Variants in USP45 observed in about 807,000 individuals in gnomAD.
USP45 encodes ubiquitin specific peptidase 45.
In USP45, 89 loss-of-function variants were observed where a neutral mutation model predicts 95.8. The observed-to-expected ratio is 0.93, with a 90% CI of 0.78 to 1.11. USP45 has a LOEUF of 1.11. Among genes scored for constraint, USP45 ranks in the 50% least tolerant of loss-of-function variants. USP45 has a pLI of 0.00. For missense variants in USP45, 898 were observed against 942.5 expected (o/e 0.95, Z 0.62); for synonymous variants, 281 against 316.2 (o/e 0.89, Z 1.18).
At chr6:99,474,898 T>A (rs184750567) in intron 9 of USP45, among the ~76,000 whole-genome samples, 174 of 152,338 alleles carry the variant, frequency 1.1e-3, no homozygotes, top group African/African-American at 4.1e-3. Flanking sequence ...AATTTAACGT[T>A]AAAGTCAATA....
At chr6:99,482,251 T>A (rs1329356219) in intron 8 of USP45, 1 of 152,312 alleles carries the variant, frequency 6.6e-6, no homozygotes, top group East Asian at 1.9e-4. Flanking sequence ...AATACATGAA[T>A]GCATTAAAGT....
chr6:99,438,481 C>A (rs952450690), intron 16 of USP45, among the ~76,000 whole-genome samples: 3 of 151,912 alleles, frequency 2.0e-5, no homozygotes, highest in African/African-American at 4.8e-5. Flanking sequence ...GACTTTGGAC[C>A]TATATAAATA....
At chr6:99,464,803 G>A in intron 12 of USP45, 56 bp from the exon 13 acceptor site, 2 of 1,494,388 alleles carry the variant, frequency 1.3e-6, no homozygotes, top group Non-Finnish European at 1.8e-6. Context: ...AATTCTGGAT[G>A]TCCTCATCTT....
In USP45 at chr6:99,488,283, T is replaced by C; in HGVS notation, c.631A>G (p.Thr211Ala). 1 of 1,605,256 alleles carries C rather than the reference T, an allele frequency of 6.2e-7. No homozygotes were observed. Residue 211 changes from threonine to alanine, a missense_variant, in exon 7 of 18, where the codon ACT becomes GCT. By Grantham distance (58) the Thr-to-Ala change is moderately conservative (BLOSUM62 0). Coordinates refer to ENST00000500704, the MANE Select transcript of USP45 (RefSeq NM_001346022.3). ...TTCATCAGATCAGTAAGAGTATAAG[T>C]CTGTGCCAAGTTCTAAAAGAAAACA... ...FNAVMQNLAQ[T>A]YTLTDLMNEI... is the part of the protein sequence containing the mutation.
At chr6:99,468,446 T>C in intron 10 of USP45, 91 bp downstream of exon 10, 1 of 839,020 alleles carries the variant, frequency 1.2e-6, no homozygotes, top group South Asian at 1.6e-5. Context: ...CTTTGGTGGA[T>C]TAGTTCACAT....
chr6:99,466,617 A>G (rs1562354157), intron 11 of USP45, 55 bp downstream of exon 11: 1 of 1,385,634 alleles, frequency 7.2e-7, no homozygotes, highest in Non-Finnish European at 1.0e-6. Flanking sequence ...AAAATATAAT[A>G]AAAATGATGT....
rs1782487200 is a variant in USP45, at chr6:99,446,077, G to A, written c.1695C>T (p.Ser565=). The change falls in exon 14 of 18, where the codon AGC becomes AGT. Residue 565 remains serine, a synonymous_variant. Coordinates refer to ENST00000500704, the MANE Select transcript of USP45 (RefSeq NM_001346022.3). ...AATCTTGATCTCCAGTTACAGTGCT[G>A]CTCAAACGAAGTTCAGAAATAGCTT... ...MAEAISELRL[S]STVTGDQDFD... 6.2e-7 allele frequency: 1 copy of A among 1,613,946 alleles called. No individual in the cohort carries two copies. Among genetic ancestry groups the A allele is most frequent in the Non-Finnish European group, 8.5e-7 (1 of 1,180,032 alleles).
At chr6:99,474,955 T>C (rs2128670881) in intron 9 of USP45, among the ~76,000 whole-genome samples, 1 of 152,302 alleles carries the variant, frequency 6.6e-6, no homozygotes, top group East Asian at 1.9e-4. Flanking sequence ...CACTGGGGAA[T>C]CTATCCAGTC....
intron 4 of USP45, among the ~76,000 whole-genome samples, chr6:99,504,147 T>A (rs1468579479): frequency 1.3e-5 from 2 of 152,190 alleles, no homozygotes; most frequent in African/African-American, 4.8e-5. Context: ...ACTTTATTTA[T>A]TTTTTATTTT....
At chr6:99,457,403 C>T (rs751329518) in intron 13 of USP45, among the ~76,000 whole-genome samples, 11 of 152,146 alleles carry the variant, frequency 7.2e-5, no homozygotes, top group Non-Finnish European at 1.5e-4. Context: ...GAATTTCTCT[C>T]TTTTGTACTC....
Position 99,435,775 on chromosome 6 carries a change from G to A in USP45, c.2386C>T (p.Pro796Ser). The A allele has an allele frequency of 1.2e-6, 2 of 1,613,612 alleles. No homozygotes were observed. Among genetic ancestry groups the A allele is most frequent in the Non-Finnish European group, 1.7e-6 (2 of 1,179,616 alleles). The change falls in exon 18 of 18, where the codon CCA becomes TCA. Residue 796 changes from proline (P) to serine (S), a missense_variant. Pro to Ser is a moderately conservative substitution (Grantham distance 74). Coordinates refer to ENST00000500704, the MANE Select transcript of USP45 (RefSeq NM_001346022.3). ...HVSDTYLQVV[P>S]ESRALSAQAY... is the part of the protein sequence containing the mutation. ...TGTGCACTAAGTGCTCTTGATTCTGGAACCACCTGTAAGTAAGTGTCACTA... is the reference window on the plus strand; with the variant it reads ...TGTGCACTAAGTGCTCTTGATTCTGAAACCACCTGTAAGTAAGTGTCACTA...
At chr6:99,480,367 A>C (rs1792082382) in intron 8 of USP45, among the ~76,000 whole-genome samples, 1 of 152,172 alleles carries the variant, frequency 6.6e-6, no homozygotes, top group South Asian at 2.1e-4. Context: ...ATCTGATTCT[A>C]TAATTTACAT....
chr6:99,481,721 A>G (rs951448469), intron 8 of USP45, among the ~76,000 whole-genome samples: 1 of 152,168 alleles, frequency 6.6e-6, no homozygotes, highest in Admixed American at 6.5e-5. Flanking sequence ...CTTTATGTCC[A>G]TGAGTACCCA....
intron 13 of USP45, among the ~76,000 whole-genome samples, chr6:99,455,271 CCT>C (rs1477718309): frequency 6.6e-6 from 1 of 151,780 alleles, no homozygotes; most frequent in African/African-American, 2.4e-5. Flanking sequence ...ATGGTGAAAC[CCT>C]GTCTCTAATA....
upstream of USP45, among the ~76,000 whole-genome samples, chr6:99,516,881 T>C (rs1008193775): frequency 6.6e-6 from 1 of 152,338 alleles, no homozygotes; most frequent in Admixed American, 6.5e-5. Flanking sequence ...ACCCAGTTTA[T>C]GATTGATTTT....
intron 10 of USP45, chr6:99,468,237 C>A: frequency 2.1e-6 from 1 of 480,448 alleles, no homozygotes; most frequent in Middle Eastern, 3.2e-4. Context: ...TACATATGAA[C>A]TTCCAAGTGT....
intron 5 of USP45, among the ~76,000 whole-genome samples, chr6:99,494,014 G>A (rs1376601716): frequency 1.3e-5 from 2 of 152,148 alleles, no homozygotes; most frequent in African/African-American, 4.8e-5. Context: ...GGACAAAGTT[G>A]CTACAACAAT....
intron 5 of USP45, among the ~76,000 whole-genome samples, chr6:99,497,150 C>G (rs777449952): frequency 1.3e-4 from 19 of 151,928 alleles, no homozygotes; most frequent in Non-Finnish European, 2.2e-4. Context: ...GTTTTCTGGT[C>G]TACTTTTTAA....
chr6:99,503,868 G>GA lies in USP45; in HGVS notation c.378-4dup. On this transcript the variant is annotated splice_region_variant and splice_polypyrimidine_tract_variant and intron_variant, in intron 4 of 17. Coordinates refer to ENST00000500704, the MANE Select transcript of USP45 (RefSeq NM_001346022.3). ...ATTTTTCATCACATTCATAACACCT[G>GA]AAAAAGTATAAAATTTAAGAAAATA... 1 of 1,532,690 alleles carries GA rather than the reference G, an allele frequency of 6.5e-7. No homozygotes were observed. The highest frequency in any genetic ancestry group is 8.8e-7 in the Non-Finnish European group (1 of 1,135,710). The allele number at this position is 1,532,690 out of a possible 1,614,324, so 94.9% of individuals were successfully genotyped here.
Sources: gnomAD v4.1 joint callset for allele counts (sites outside exome capture counted in the v4.1 genomes callset) on GRCh38, gnomAD v4.1.1 for gene constraint, MANE v1.5 for transcripts, NCBI Gene and HGNC (gene_info 2026-07-23, HGNC 2026-07-21) for gene names.